Variants in CACNA1F observed in about 807,000 individuals in gnomAD.
CACNA1F encodes the protein calcium voltage-gated channel subunit alpha1 F.
CACNA1F carries 59 observed loss-of-function variants against 143.8 expected under a neutral mutation model. The ratio of observed to expected loss-of-function variants is 0.41; its 90% confidence interval spans 0.33 to 0.51. The LOEUF is 0.51. Ranked by LOEUF, CACNA1F falls within the 20% of genes least tolerant of loss-of-function variation. The pLI, the probability that CACNA1F is intolerant of heterozygous loss-of-function variation, is 0.22. For synonymous variants in CACNA1F, 643 were observed against 649.1 expected, an observed-to-expected ratio of 0.99 and a Z score of 0.14; for missense variants, 1,411 against 1,647.5, an observed-to-expected ratio of 0.86 and a Z score of 2.48.
Position 49,218,745 on chromosome X carries a change from G to T in CACNA1F, c.2734-10C>A. On this transcript the variant is annotated splice_polypyrimidine_tract_variant and intron_variant, in intron 22 of 47. Coordinates refer to ENST00000323022, the MANE Select transcript of CACNA1F (RefSeq NM_001256789.3). The stretch of plus-strand genomic sequence containing the variant: ...CCCCAAACACTGTCATCTGGGGACA[G>T]GACAAGAGGCTAGACTCAGACCTGG... The T allele has an allele frequency of 9.6e-7, 1 of 1,037,219 alleles. No homozygotes were observed. The highest frequency in any genetic ancestry group is 2.0e-5 in the South Asian group (1 of 50,316). The allele number at this position is 1,037,219 out of a possible 1,213,427, so 85.5% of individuals were successfully genotyped here.
rs945972578 is a variant in CACNA1F at position 49,222,590 on chromosome X, G to A, written c.2220C>T (p.Asn740=). The A allele has an allele frequency of 5.0e-6, 6 of 1,210,690 alleles. No individual in the cohort carries two copies. The South Asian group carries it at 5.3e-5, about 11-fold the overall frequency. Reference sequence around the variant, plus strand: ...TGTCCACAGCAATGGCAAGAAACACGTTCAACAGGATGTCTGGGATGAGCT... The same window carrying A: ...TGTCCACAGCAATGGCAAGAAACACATTCAACAGGATGTCTGGGATGAGCT... ...LFICGNYILL[N]VFLAIAVDNL... Residue 740 remains asparagine (N), a synonymous_variant, in exon 17 of 48, where the codon AAC becomes AAT. Transcript: ENST00000323022.
Position 49,233,270 on chromosome X carries a change from G to A in CACNA1F, c.25+15C>T, listed in dbSNP as rs2065893858. ...CTTGCTCCAAGGGTCTGCAGGGATG[G>A]AAGGATTCTCTCACCTTTCCCGCCT... On this transcript the variant is annotated intron_variant, in intron 1 of 47. Transcript: ENST00000323022. 8.3e-7 allele frequency: 1 copy of A among 1,207,945 alleles called. No individual in the cohort carries two copies. Among genetic ancestry groups the A allele is most frequent in the African/African-American group, 1.8e-5 (1 of 56,752 alleles).
At position 49,213,811 on chromosome X, in the gene CACNA1F, G is replaced by T. The variant is rs782504306; in HGVS notation, c.3792+8C>A. ...CGAGAGTGGATTAGTGGAAAGGCCA[G>T]TTCTCACATTGACTTCAGTGACGGC... is the stretch of plus-strand genomic sequence containing the variant. On this transcript the variant is annotated splice_region_variant and intron_variant, in intron 31 of 47. Coordinates refer to ENST00000323022, the MANE Select transcript of CACNA1F (RefSeq NM_001256789.3). The T allele has an allele frequency of 1.7e-6, 2 of 1,159,182 alleles. No individual in the cohort carries two copies. Among genetic ancestry groups the T allele is most frequent in the Non-Finnish European group, 2.4e-6 (2 of 847,351 alleles).
At chrX:49,216,977 C>T (rs1472081200) in intron 26 of CACNA1F, among the ~76,000 whole-genome samples, 1 of 110,798 alleles carries the variant, frequency 9.0e-6, no homozygotes, top group African/African-American at 3.3e-5. Context: ...TTTTTTGAGA[C>T]GGAGTCTTGA....
rs1455862754 is a variant in CACNA1F at position 49,217,608 on chromosome X, C to T, written c.3089+147G>A. The T allele has an allele frequency of 1.5e-5, 8 of 546,467 alleles. No homozygotes were observed. In the East Asian group the frequency reaches 1.8e-4, roughly 12 times the overall value. The allele number at this position is 546,467 out of a possible 1,213,427, so 45.0% of individuals were successfully genotyped here. Reference sequence around the variant, plus strand: ...GGATTTGGGGGAGGTATCGGGGGGCCGCCGAAGACTTGGTGAGATCTGAGG... The same window carrying T: ...GGATTTGGGGGAGGTATCGGGGGGCTGCCGAAGACTTGGTGAGATCTGAGG... On this transcript the variant is annotated intron_variant, in intron 26 of 47. Transcript: ENST00000323022.
intron 19 of CACNA1F, among the ~76,000 whole-genome samples, chrX:49,220,133 A>G (rs1557108496): frequency 1.8e-5 from 2 of 112,126 alleles, no homozygotes; most frequent in African/African-American, 6.5e-5. Flanking sequence ...GCTGGACTTC[A>G]GTGGTGCCAT....
In CACNA1F at chrX:49,218,739, G is replaced by A. The variant is rs1557108099; in HGVS notation, c.2734-4C>T. 3 of 1,137,236 alleles carry A rather than the reference G, an allele frequency of 2.6e-6. No individual in the cohort carries two copies. Among genetic ancestry groups the A allele is most frequent in the Non-Finnish European group, 3.6e-6 (3 of 844,045 alleles). 93.7% of individuals were successfully genotyped at this position (1,137,236 alleles called of 1,213,427 possible). On this transcript the variant is annotated splice_polypyrimidine_tract_variant and splice_region_variant and intron_variant, in intron 22 of 47. Transcript: ENST00000323022. ...GGAAGGCCCCAAACACTGTCATCTG[G>A]GGACAGGACAAGAGGCTAGACTCAG... is the stretch of plus-strand genomic sequence containing the variant.
rs1557111024 is a variant in CACNA1F, at chrX:49,230,379, G to C, written c.665-7C>G. Reference sequence around the variant, plus strand: ...TTGAGCACTATGTGCAGGCCTGCGGGGAGGGAGGGGGAGGCAGAAATAAGG... The same window carrying C: ...TTGAGCACTATGTGCAGGCCTGCGGCGAGGGAGGGGGAGGCAGAAATAAGG... On this transcript the variant is annotated splice_region_variant and splice_polypyrimidine_tract_variant and intron_variant, in intron 5 of 47. Transcript: ENST00000323022. The C allele has an allele frequency of 1.7e-6, 2 of 1,209,213 alleles. No homozygotes were observed. The highest frequency in any genetic ancestry group is 2.2e-5 in the Admixed American group (1 of 45,921).
Position 49,205,164 on chromosome X carries a change from G to C in CACNA1F, c.5874C>G (p.Asp1958Glu), listed in dbSNP as rs782497299. 3.3e-6 allele frequency: 4 copies of C among 1,209,581 alleles called. No individual in the cohort carries two copies. The highest frequency in any genetic ancestry group is 2.3e-4 in the Middle Eastern group (1 of 4,338). ...LSRFDEEDLG[D>E]EMACVHAL ...AGAGGGCGTGGACGCAGGCCATCTC[G>C]TCTCCCAAGTCCTCCTCATCGAAGC... Residue 1958 changes from aspartate to glutamate, a missense_variant, in exon 48 of 48, where the codon GAC becomes GAG. Physicochemically the swap from Asp to Glu is conservative, Grantham distance 45 (BLOSUM62 2). Transcript: ENST00000323022.
intron 43 of CACNA1F, among the ~76,000 whole-genome samples, chrX:49,207,354 A>G (rs1557105181): frequency 8.9e-6 from 1 of 112,228 alleles, no homozygotes; most frequent in East Asian, 2.8e-4. Context: ...ACCTGTAGAG[A>G]GACACCTTGA....
chrX:49,207,722 G>T (rs1184004793), intron 43 of CACNA1F, among the ~76,000 whole-genome samples: 3 of 110,565 alleles, frequency 2.7e-5, no homozygotes, highest in South Asian at 3.9e-4. Flanking sequence ...GAGCCACCGT[G>T]CCTAGGCAAG....
Position 49,230,242 on chromosome X carries a change from C to T in CACNA1F, c.795G>A (p.Lys265=). 1 of 1,206,184 alleles carries T rather than the reference C, an allele frequency of 8.3e-7. No homozygotes were observed. The highest frequency in any genetic ancestry group is 1.1e-6 in the Non-Finnish European group (1 of 892,296). The change falls in exon 6 of 48, where the codon AAG becomes AAA. Residue 265 remains lysine, a synonymous_variant. Coordinates refer to ENST00000323022, the MANE Select transcript of CACNA1F (RefSeq NM_001256789.3). ...GLELFLGRMH[K]TCYFLGSDME... The stretch of plus-strand genomic sequence containing the variant: ...AACCGGATCCCAGGAAGTAGCACGT[C>T]TTGTGCATTCGTCCAAGGAACAGCT...
intron 33 of CACNA1F, 61 bp from the exon 34 acceptor site, chrX:49,212,369 G>C (rs1211211933): frequency 3.8e-5 from 35 of 924,494 alleles, no homozygotes; most frequent in Non-Finnish European, 5.5e-5. Context: ...AGAACTATAA[G>C]CCCCAGAATG....
Position 49,209,674 on chromosome X carries a change from C to A in CACNA1F, c.4776G>T (p.Gly1592=). The A allele has an allele frequency of 8.3e-7, 1 of 1,211,132 alleles. No individual in the cohort carries two copies. The highest frequency in any genetic ancestry group is 2.2e-5 in the Admixed American group (1 of 46,026). ...FRKFRRRKEK[G]LLGNDAAPST... ...TAGGGGCGGCGTCGTTGCCTAGTAG[C>A]CCTTTTTCTTTCCTCCGCCGGAATT... The change falls in exon 41 of 48, where the codon GGG becomes GGT. Residue 1592 remains glycine, a synonymous_variant. Transcript: ENST00000323022.
chrX:49,205,544 T>C (rs1372177510), intron 47 of CACNA1F, 72 bp downstream of exon 47: 1 of 1,048,886 alleles, frequency 9.5e-7, no homozygotes, highest in East Asian at 3.2e-5. Flanking sequence ...GGGACTCCTT[T>C]CCGTCCTCCT....
Position 49,210,646 on chromosome X carries a change from G to A in CACNA1F, c.4429C>T (p.Arg1477Cys), listed in dbSNP as rs782266289. 1.3e-5 allele frequency: 16 copies of A among 1,209,139 alleles called. No individual in the cohort carries two copies. Among genetic ancestry groups the A allele is most frequent in the South Asian group, 3.5e-5 (2 of 56,681 alleles). ...KHLDVVALLR[R>C]IQPPLGFGKL... is the part of the protein sequence containing the mutation. ...CCAAATCCCAGAGGGGGCTGGATAC[G>A]TCTCAGCAGGGCAACCACATCCAAG... is the stretch of plus-strand genomic sequence containing the variant. The change falls in exon 38 of 48, where the codon CGT becomes TGT. Residue 1477 changes from arginine (R) to cysteine (C), a missense_variant. Coordinates refer to ENST00000323022, the MANE Select transcript of CACNA1F (RefSeq NM_001256789.3).
At position 49,231,872 on chromosome X, in the gene CACNA1F, C is replaced by T; in HGVS notation, c.81G>A (p.Gly27=). 1 of 1,182,466 alleles carries T rather than the reference C, an allele frequency of 8.5e-7. No homozygotes were observed. The highest frequency in any genetic ancestry group is 1.1e-6 in the Non-Finnish European group (1 of 880,382). Residue 27 remains glycine, a synonymous_variant, in exon 2 of 48, where the codon GGG becomes GGA. Coordinates refer to ENST00000323022, the MANE Select transcript of CACNA1F (RefSeq NM_001256789.3). ...CCACAGCTGGGGGCCCGGGGCACAGCCCCCATTCGGGACCAGGGCCTGCCC... is the reference window on the plus strand; with the variant it reads ...CCACAGCTGGGGGCCCGGGGCACAGTCCCCATTCGGGACCAGGGCCTGCCC... The part of the protein sequence containing the change: ...ANGAGPGPEW[G]LCPGPPAVEG...
chrX:49,214,978 G>A, intron 29 of CACNA1F, 108 bp downstream of exon 29: 1 of 707,145 alleles, frequency 1.4e-6, no homozygotes, highest in South Asian at 2.2e-5. Context: ...CTGTTAGTTG[G>A]CAGGGGGTTT....
chrX:49,228,819 G>A (rs782064496), intron 6 of CACNA1F, among the ~76,000 whole-genome samples: 23 of 112,229 alleles, frequency 2.0e-4, no homozygotes, highest in African/African-American at 7.4e-4. Flanking sequence ...CGCCCGCCTC[G>A]GCCTCCCAAA....
Sources: gnomAD v4.1 joint callset for allele counts (sites outside exome capture counted in the v4.1 genomes callset) on GRCh38, gnomAD v4.1.1 for gene constraint, MANE v1.5 for transcripts, NCBI Gene and HGNC (gene_info 2026-07-23, HGNC 2026-07-21) for gene names.